Variants in NUMB observed in about 807,000 individuals in gnomAD.
NUMB encodes protein numb homolog.
NUMB carries 29 observed loss-of-function variants against 59.7 expected under a neutral mutation model. That is an observed-to-expected ratio of 0.49 (90% CI 0.36 to 0.66). The LOEUF is 0.66. NUMB is among the 30% of genes least tolerant of loss of function. NUMB has a pLI of 0.00. For missense variants in NUMB, 723 were observed against 822.0 expected (o/e 0.88, Z 1.47); for synonymous variants, 288 against 288.2 (o/e 1.00, Z 0.01).
At chr14:73,384,734 T>TTTTGTTTGTTTG (rs111381820) in intron 2 of NUMB, among the ~76,000 whole-genome samples, 4 of 133,212 alleles carry the variant, frequency 3.0e-5, no homozygotes, top group South Asian at 2.4e-4. Flanking sequence ...CGCCTGGCTT[T>TTTTGTTTGTTTG]TTTGTTTGTT....
At chr14:73,331,737 T>C (rs1039445420) in intron 4 of NUMB, among the ~76,000 whole-genome samples, 3 of 152,150 alleles carry the variant, frequency 2.0e-5, no homozygotes, top group South Asian at 2.1e-4. Context: ...TGAGATCTTA[T>C]GGTTTTATAA....
At chr14:73,381,336 T>A (rs531314377) in intron 2 of NUMB, among the ~76,000 whole-genome samples, 1 of 151,582 alleles carries the variant, frequency 6.6e-6, no homozygotes, top group South Asian at 2.1e-4. Context: ...AGACCAATGA[T>A]CAGAACAGAA....
At chr14:73,422,919 A>C (rs1566790693) in intron 1 of NUMB, among the ~76,000 whole-genome samples, 1 of 151,892 alleles carries the variant, frequency 6.6e-6, no homozygotes, top group Non-Finnish European at 1.5e-5. Context: ...AAAAAAAAAA[A>C]AAAAAACTGT....
At chr14:73,446,811 G>A (rs925961723) in intron 1 of NUMB, among the ~76,000 whole-genome samples, 1 of 151,902 alleles carries the variant, frequency 6.6e-6, no homozygotes, top group Non-Finnish European at 1.5e-5. Flanking sequence ...GGCTGAGGCA[G>A]AAGGATCACT....
intron 4 of NUMB, among the ~76,000 whole-genome samples, chr14:73,325,526 G>GTATA: frequency 6.6e-6 from 1 of 152,190 alleles, no homozygotes; most frequent in East Asian, 1.9e-4. Flanking sequence ...GCTAACTGAA[G>GTATA]TATACATCCA....
intron 2 of NUMB, among the ~76,000 whole-genome samples, chr14:73,397,466 GCTAATAT>G (rs1367032844): frequency 6.6e-6 from 1 of 152,168 alleles, no homozygotes; most frequent in Non-Finnish European, 1.5e-5. Context: ...TCCCACCATT[GCTAATAT>G]CAAGCTACCA....
chr14:73,358,503 T>G (rs1375366140), intron 3 of NUMB, among the ~76,000 whole-genome samples: 1 of 152,042 alleles, frequency 6.6e-6, no homozygotes, highest in East Asian at 1.9e-4. Context: ...TGTTCCTCCC[T>G]CTGCCTAGAA....
chr14:73,416,203 C>T (rs1897120619), intron 1 of NUMB, among the ~76,000 whole-genome samples: 1 of 152,172 alleles, frequency 6.6e-6, no homozygotes, highest in South Asian at 2.1e-4. Flanking sequence ...GCAACTTAAG[C>T]ACAACATACA....
Position 73,367,627 on chromosome 14 carries a change from T to C in NUMB, c.-100-646A>G, listed in dbSNP as rs557443975. ...CGCCTCTACAAAAAACTTTAAAAAT[T>C]AGCCAGGTATGGTGACATGCACCTG... On this transcript the variant is annotated intron_variant, in intron 2 of 12. Coordinates refer to ENST00000555238, the MANE Select transcript of NUMB (RefSeq NM_001005743.2). Among the ~76,000 whole-genome samples the C allele has an allele frequency of 3.3e-5, 5 of 151,780 alleles. No individual in the cohort carries two copies. In the East Asian group the frequency reaches 9.7e-4, roughly 29 times the overall value.
At chr14:73,362,579 A>C (rs1894146408) in intron 3 of NUMB, among the ~76,000 whole-genome samples, 1 of 151,980 alleles carries the variant, frequency 6.6e-6, no homozygotes, top group African/African-American at 2.4e-5. Context: ...AGTAGCTAGG[A>C]CTACAGGTGC....
chr14:73,276,986 T>A lies in NUMB; in HGVS notation c.1548A>T (p.Gly516=). The A allele has an allele frequency of 1.2e-6, 2 of 1,614,082 alleles. No homozygotes were observed. The highest frequency in any genetic ancestry group is 1.7e-6 in the Non-Finnish European group (2 of 1,180,006). The change falls in exon 13 of 13, where the codon GGA becomes GGT. Residue 516 remains glycine, a synonymous_variant. Coordinates refer to ENST00000555238, the MANE Select transcript of NUMB (RefSeq NM_001005743.2). ...GCACATTAGGGGCTGGATAGGGCAT[T>A]CCATTGGCCACAGGATAGGACTGGG... The part of the protein sequence containing the change: ...VPAQSYPVAN[G]MPYPAPNVPV...
intron 4 of NUMB, among the ~76,000 whole-genome samples, chr14:73,344,350 C>G (rs1222312681): frequency 6.6e-6 from 1 of 152,150 alleles, no homozygotes; most frequent in Non-Finnish European, 1.5e-5. Flanking sequence ...AATAAGAGCT[C>G]TACTTTCTGT....
At position 73,313,668 on chromosome 14, in the gene NUMB, G is replaced by GAAAAAAAAAAAAAA. The variant is rs10582204; in HGVS notation, c.234+2708_234+2721dup. Among the ~76,000 whole-genome samples the GAAAAAAAAAAAAAA allele has an allele frequency of 2.5e-3, 306 of 124,048 alleles. 8 individuals are homozygous for GAAAAAAAAAAAAAA. Among genetic ancestry groups the GAAAAAAAAAAAAAA allele is most frequent in the African/African-American group, 9.2e-3 (285 of 30,910 alleles). 81.4% of individuals were successfully genotyped at this position (124,048 alleles called of 152,430 possible). On this transcript the variant is annotated intron_variant, in intron 6 of 12. Coordinates refer to ENST00000555238, the MANE Select transcript of NUMB (RefSeq NM_001005743.2). ...TATATATGCAAATATTCCAAAATCT[G>GAAAAAAAAAAAAAA]AAAAAAAAAAAAAAAAATCCAAAAT...
At chr14:73,381,914 T>G (rs1367380159) in intron 2 of NUMB, among the ~76,000 whole-genome samples, 1 of 152,168 alleles carries the variant, frequency 6.6e-6, no homozygotes, top group Non-Finnish European at 1.5e-5. Flanking sequence ...AGAGTTAAGC[T>G]TGACATTCTC....
At chr14:73,333,791 G>T (rs1892127189) in intron 4 of NUMB, among the ~76,000 whole-genome samples, 2 of 151,596 alleles carry the variant, frequency 1.3e-5, no homozygotes, top group African/African-American at 2.4e-5. Flanking sequence ...TCTTATTTAA[G>T]AATCCACTGC....
intron 1 of NUMB, among the ~76,000 whole-genome samples, chr14:73,450,039 A>G (rs1883816325): frequency 6.6e-6 from 1 of 152,202 alleles, no homozygotes; most frequent in African/African-American, 2.4e-5. Flanking sequence ...TAGCTGCCAC[A>G]ATGCTTACAA....
intron 1 of NUMB, among the ~76,000 whole-genome samples, chr14:73,447,911 C>G (rs1200510381): frequency 6.6e-6 from 1 of 151,944 alleles, no homozygotes. Flanking sequence ...ATTCTCCCAC[C>G]TCAGCCTCCC....
At chr14:73,348,949 G>A (rs949961358) in intron 4 of NUMB, among the ~76,000 whole-genome samples, 1 of 152,100 alleles carries the variant, frequency 6.6e-6, no homozygotes, top group African/African-American at 2.4e-5. Context: ...TTATAAATAG[G>A]ATATATGCTC....
intron 2 of NUMB, among the ~76,000 whole-genome samples, chr14:73,379,211 TC>T (rs1240539165): frequency 6.6e-6 from 1 of 152,214 alleles, no homozygotes; most frequent in Non-Finnish European, 1.5e-5. Flanking sequence ...AAATCATTTC[TC>T]AAAAAACTAG....
Sources: gnomAD v4.1 joint callset for allele counts (sites outside exome capture counted in the v4.1 genomes callset) on GRCh38, gnomAD v4.1.1 for gene constraint, MANE v1.5 for transcripts, NCBI Gene and HGNC (gene_info 2026-07-23, HGNC 2026-07-21) for gene names.